ZNF674: variants seen among roughly 807,000 people sequenced by gnomAD.
The protein encoded by ZNF674 is zinc finger family member 674.
Under a neutral mutation model 7.0 loss-of-function variants are expected in ZNF674, and 2 were observed. The ratio of observed to expected loss-of-function variants is 0.29; its 90% CI spans 0.12 to 0.90. ZNF674 has a LOEUF of 0.90. ZNF674 is among the 40% of genes least tolerant of loss of function. The probability of loss-of-function intolerance (pLI) is 0.57; values close to 1 mark genes in which losing one functional copy is unlikely to be tolerated. For synonymous variants in ZNF674, 103 were observed against 145.2 expected (o/e 0.71, Z 2.09); for missense variants, 297 against 415.5 (o/e 0.71, Z 2.48).
At chrX:46,538,480 T>C (rs1483513325) in intron 3 of ZNF674, among the ~76,000 whole-genome samples, 3 of 111,963 alleles carry the variant, frequency 2.7e-5, no homozygotes, top group Non-Finnish European at 3.8e-5. Context: ...TCTTATTTAC[T>C]TGAGTTAACA....
intron 3 of ZNF674, among the ~76,000 whole-genome samples, chrX:46,540,107 G>A (rs746939231): frequency 1.8e-5 from 2 of 111,427 alleles, no homozygotes; most frequent in South Asian, 7.5e-4. Context: ...AGCCGGGCGT[G>A]GTTGCAGGCG....
intron 5 of ZNF674, 114 bp downstream of exon 5, chrX:46,528,236 A>G (rs1942043138): frequency 2.7e-6 from 2 of 737,083 alleles, no homozygotes; most frequent in Non-Finnish European, 4.2e-6. Context: ...GAGCCTAGGC[A>G]TGTCCACAAG....
intron 3 of ZNF674, among the ~76,000 whole-genome samples, chrX:46,540,232 A>G (rs1405723258): frequency 9.2e-6 from 1 of 108,947 alleles, no homozygotes; most frequent in Non-Finnish European, 1.9e-5. Flanking sequence ...CGACAGAGCG[A>G]GACTCTGTCT....
At position 46,521,357 on chromosome X, in the gene ZNF674, G is replaced by A. The variant is rs182154610; in HGVS notation, c.238+6993C>T. 3.7e-3 allele frequency among the ~76,000 whole-genome samples: 417 copies of A among 111,481 alleles called. 3 individuals are homozygous for A. Among genetic ancestry groups the A allele is most frequent in the African/African-American group, 0.013 (399 of 30,747 alleles). ...TTTGGGAGACTGAGGCAGGTGGATC[G>A]CTTGAGCCCAGGAGTTTGAGACCAG... On this transcript the variant is annotated intron_variant, in intron 5 of 5. Coordinates refer to ENST00000683375, the MANE Select transcript of ZNF674 (RefSeq NM_001190417.2).
At position 46,528,258 on chromosome X, in the gene ZNF674, G is replaced by A. The variant is rs186315078; in HGVS notation, c.238+92C>T. ...GGCATGTCCACAAGTCCGAGGCTCT[G>A]AGAAGAGCTCCTGAGCACATCCCAG... On this transcript the variant is annotated intron_variant, in intron 5 of 5. Coordinates refer to ENST00000683375, the MANE Select transcript of ZNF674 (RefSeq NM_001190417.2). 103 of 912,451 alleles carry A rather than the reference G, an allele frequency of 1.1e-4. No homozygotes were observed. The East Asian group carries it at 3.0e-3, about 27-fold the overall frequency. 75.2% of individuals were successfully genotyped at this position (912,451 alleles called of 1,213,427 possible).
intron 5 of ZNF674, among the ~76,000 whole-genome samples, chrX:46,517,480 C>T (rs1370495540): frequency 9.0e-6 from 1 of 111,050 alleles, no homozygotes; most frequent in African/African-American, 3.3e-5. Flanking sequence ...TTTACAGACT[C>T]AAGAAGCACA....
chrX:46,512,355 G>A (rs1296541489), intron 5 of ZNF674, among the ~76,000 whole-genome samples: 1 of 111,132 alleles, frequency 9.0e-6, no homozygotes, highest in Non-Finnish European at 1.9e-5. Context: ...AAATAAATAA[G>A]TACATAAATT....
At chrX:46,516,331 C>T (rs748987354) in intron 5 of ZNF674, among the ~76,000 whole-genome samples, 2 of 112,108 alleles carry the variant, frequency 1.8e-5, no homozygotes, top group African/African-American at 6.5e-5. Context: ...GTGGGTTCCC[C>T]TTTTATCCCT....
intron 3 of ZNF674, among the ~76,000 whole-genome samples, chrX:46,537,323 A>C (rs1213310803): frequency 1.8e-5 from 2 of 111,307 alleles, no homozygotes; most frequent in Non-Finnish European, 3.8e-5. Flanking sequence ...TAAATGAAAA[A>C]AAAAAAAGCA....
intron 5 of ZNF674, among the ~76,000 whole-genome samples, chrX:46,524,042 CAAA>C (rs112490275): frequency 4.3e-5 from 3 of 70,476 alleles, no homozygotes; most frequent in Admixed American, 1.6e-4. Context: ...AACTCCATCT[CAAA>C]AAAAAAAAAA....
intron 5 of ZNF674, among the ~76,000 whole-genome samples, chrX:46,521,428 ATTAG>A (rs988351346): frequency 9.2e-6 from 1 of 109,168 alleles, no homozygotes; most frequent in African/African-American, 3.3e-5. Flanking sequence ...AAATACAAAT[ATTAG>A]CTAGGTGTGG....
intron 5 of ZNF674, among the ~76,000 whole-genome samples, chrX:46,505,768 TCACACACACA>T (rs56158505): frequency 2.0e-5 from 2 of 100,230 alleles, no homozygotes; most frequent in Admixed American, 1.1e-4. Flanking sequence ...CAAAACTCTG[TCACACACACA>T]CACACACACA....
At chrX:46,506,409 G>T (rs1941538664) in intron 5 of ZNF674, among the ~76,000 whole-genome samples, 1 of 92,335 alleles carries the variant, frequency 1.1e-5, no homozygotes. Flanking sequence ...TCTTGGCTTT[G>T]CATGGGAAAA....
At chrX:46,533,829 A>AAAATATAT (rs1415090691) in intron 3 of ZNF674, among the ~76,000 whole-genome samples, 19 of 65,531 alleles carry the variant, frequency 2.9e-4, no homozygotes, top group African/African-American at 1.4e-3. Flanking sequence ...AAAAAAAAAA[A>AAAATATAT]ATATATATAT....
chrX:46,542,138 G>T, intron 2 of ZNF674, 22 bp from the exon 3 acceptor site: 1 of 1,035,440 alleles, frequency 9.7e-7, no homozygotes, highest in East Asian at 3.1e-5. Flanking sequence ...GAATTAGAAG[G>T]GTTGAGTTCA....
rs1368863965 is a variant in ZNF674 at position 46,498,019 on chromosome X, A to G, written c.*1824T>C. ...CTCATCACAAAATTTTTATATGTCA[A>G]CCACCCAGAATCACTGATATAATGG... On this transcript the variant is annotated 3_prime_UTR_variant, in exon 6 of 6. Transcript: ENST00000683375. 1.8e-5 allele frequency: 2 copies of G among 111,222 alleles called. No homozygotes were observed. Among genetic ancestry groups the G allele is most frequent in the Non-Finnish European group, 1.9e-5 (1 of 52,989 alleles). The allele number at this position is 111,222 out of a possible 1,213,427, so 9.2% of individuals were successfully genotyped here. A position where few individuals can be genotyped will look rare whatever the true frequency, so the allele number is the denominator to read the frequency against.
At chrX:46,517,003 C>CA (rs35119330) in intron 5 of ZNF674, among the ~76,000 whole-genome samples, 986 of 84,872 alleles carry the variant, frequency 0.012, 13 homozygotes, top group African/African-American at 0.034. Flanking sequence ...AACTCTGTCT[C>CA]AAAAAAAAAA....
At chrX:46,501,469 G>T in intron 5 of ZNF674, 134 bp from the exon 6 acceptor site, 1 of 568,896 alleles carries the variant, frequency 1.8e-6, no homozygotes, top group Non-Finnish European at 2.7e-6. Flanking sequence ...CCCTTCCCAT[G>T]TCCCAGGCTC....
At chrX:46,505,563 G>A (rs1190948612) in intron 5 of ZNF674, among the ~76,000 whole-genome samples, 2 of 111,551 alleles carry the variant, frequency 1.8e-5, no homozygotes, top group Non-Finnish European at 3.8e-5. Flanking sequence ...CTGAGGTCAG[G>A]AGTTCAGGAC....
Sources: gnomAD v4.1 joint callset for allele counts (sites outside exome capture counted in the v4.1 genomes callset) on GRCh38, gnomAD v4.1.1 for gene constraint, MANE v1.5 for transcripts, NCBI Gene and HGNC (gene_info 2026-07-23, HGNC 2026-07-21) for gene names.